Variants in MCC observed in about 807,000 individuals in gnomAD.
MCC encodes the protein MCC regulator of Wnt signaling pathway, also known as colorectal mutant cancer protein.
In MCC, 90 loss-of-function variants were observed where a neutral mutation model predicts 116.2. The observed-to-expected ratio is 0.77, with a 90% CI of 0.65 to 0.92. MCC has a LOEUF of 0.92. Ranked by LOEUF, MCC falls within the 40% of genes least tolerant of loss-of-function variation. The pLI, the probability that MCC is intolerant of heterozygous loss-of-function variation, is 0.00. For missense variants in MCC, 1,516 were observed against 1,312.2 expected (o/e 1.16, Z -2.40); for synonymous variants, 578 against 510.5 (o/e 1.13, Z -1.78).
chr5:113,272,556 A>G (rs1366542462), intron 3 of MCC, among the ~76,000 whole-genome samples: 1 of 152,204 alleles, frequency 6.6e-6, no homozygotes, highest in East Asian at 1.9e-4. Context: ...ATGATAAAAT[A>G]TCATTATTTC....
At chr5:113,123,141 G>A (rs1270794279) in intron 5 of MCC, among the ~76,000 whole-genome samples, 1 of 152,210 alleles carries the variant, frequency 6.6e-6, no homozygotes, top group Non-Finnish European at 1.5e-5. Context: ...ATTCCGAGGA[G>A]AATAAGAACT....
intron 11 of MCC, among the ~76,000 whole-genome samples, chr5:113,077,196 A>G (rs1156385521): frequency 6.6e-6 from 1 of 152,200 alleles, no homozygotes; most frequent in African/African-American, 2.4e-5. Flanking sequence ...AGACTCCCAC[A>G]CAATAATAAT....
chr5:113,143,157 C>T, intron 5 of MCC, 61 bp downstream of exon 5: 1 of 1,507,902 alleles, frequency 6.6e-7, no homozygotes, highest in Non-Finnish European at 8.8e-7. Flanking sequence ...GGGGCTACTT[C>T]AGCTCCAAGA....
chr5:113,107,801 C>T (rs1756836612), intron 6 of MCC, among the ~76,000 whole-genome samples: 1 of 152,200 alleles, frequency 6.6e-6, no homozygotes, highest in Non-Finnish European at 1.5e-5. Flanking sequence ...TGCTGAGGGG[C>T]TCTCACAGCA....
intron 3 of MCC, among the ~76,000 whole-genome samples, chr5:113,306,358 A>G (rs1264437946): frequency 6.6e-6 from 1 of 152,198 alleles, no homozygotes; most frequent in Non-Finnish European, 1.5e-5. Flanking sequence ...AGATGGCTGC[A>G]CCATTTCACA....
At chr5:113,351,899 T>C (rs1768277637) in intron 2 of MCC, among the ~76,000 whole-genome samples, 1 of 152,180 alleles carries the variant, frequency 6.6e-6, no homozygotes, top group Non-Finnish European at 1.5e-5. Context: ...ATTTGAAATT[T>C]ATTATGCCAT....
intron 1 of MCC, among the ~76,000 whole-genome samples, chr5:113,420,800 TTC>T (rs1263853462): frequency 6.6e-6 from 1 of 152,162 alleles, no homozygotes; most frequent in Non-Finnish European, 1.5e-5. Context: ...CACAACTATT[TTC>T]TGTTTTTCCT....
At chr5:113,077,958 A>G (rs1259839569) in intron 11 of MCC, among the ~76,000 whole-genome samples, 1 of 152,224 alleles carries the variant, frequency 6.6e-6, no homozygotes, top group Non-Finnish European at 1.5e-5. Flanking sequence ...CGCAATAAAA[A>G]ATAATAAAGG....
intron 3 of MCC, among the ~76,000 whole-genome samples, chr5:113,165,882 A>G (rs1257947541): frequency 6.6e-6 from 1 of 150,798 alleles, no homozygotes; most frequent in East Asian, 2.0e-4. Context: ...TTCTTTCATC[A>G]TATATTTTTG....
At chr5:113,295,027 G>C (rs908955437) in intron 3 of MCC, 6 of 870,348 alleles carry the variant, frequency 6.9e-6, no homozygotes, top group African/African-American at 1.8e-5. Flanking sequence ...GGGTGGGGGC[G>C]AGTAGCCTGG....
Position 113,029,070 on chromosome 5 carries a change from G to C in MCC, c.2757-14C>G, listed in dbSNP as rs977719168. Reference sequence around the variant, plus strand: ...AACTTCTTTTCTCTATATTAAAGGAGACAAAATATGCCAGGAGTAGTTTGA... The same window carrying C: ...AACTTCTTTTCTCTATATTAAAGGACACAAAATATGCCAGGAGTAGTTTGA... On this transcript the variant is annotated splice_polypyrimidine_tract_variant and intron_variant, in intron 17 of 18. Coordinates refer to ENST00000408903, the MANE Select transcript of MCC (RefSeq NM_001085377.2). The C allele has an allele frequency of 1.2e-6, 2 of 1,601,152 alleles. No homozygotes were observed. The highest frequency in any genetic ancestry group is 2.2e-5 in the East Asian group (1 of 44,524).
intron 2 of MCC, among the ~76,000 whole-genome samples, chr5:113,350,965 CA>C (rs1768252947): frequency 6.6e-6 from 1 of 152,050 alleles, no homozygotes; most frequent in African/African-American, 2.4e-5. Context: ...CAGAGCAATG[CA>C]AATCAAAACT....
chr5:113,158,710 C>G (rs188474084), intron 3 of MCC, among the ~76,000 whole-genome samples: 2 of 152,310 alleles, frequency 1.3e-5, no homozygotes, highest in Non-Finnish European at 2.9e-5. Context: ...GGTAGAAAAT[C>G]AGCCGAAGTG....
chr5:113,027,473 C>T lies in MCC; in HGVS notation c.2889G>A (p.Val963=). ...NDLKRANSNL[V]AAYEKAKKKH... is the part of the protein sequence containing the mutation. ...TTTTCTTTGCTTTCTCATAGGCAGC[C>T]ACCAGGTTGCTAGGTGGGAATGAAG... The change falls in exon 19 of 19, where the codon GTG becomes GTA. Residue 963 remains valine (V), a synonymous_variant. Coordinates refer to ENST00000408903, the MANE Select transcript of MCC (RefSeq NM_001085377.2). The T allele has an allele frequency of 1.2e-6, 2 of 1,614,090 alleles. No homozygotes were observed. The highest frequency in any genetic ancestry group is 3.3e-5 in the Admixed American group (2 of 60,008).
intron 15 of MCC, among the ~76,000 whole-genome samples, chr5:113,050,471 T>C (rs1752416358): frequency 2.0e-5 from 3 of 152,148 alleles, no homozygotes; most frequent in Admixed American, 1.3e-4. Context: ...GTAGATGTTT[T>C]CACTCTCAAA....
chr5:113,222,459 AT>A (rs1272511157), intron 3 of MCC, among the ~76,000 whole-genome samples: 1 of 152,066 alleles, frequency 6.6e-6, no homozygotes, highest in Non-Finnish European at 1.5e-5. Context: ...CTCTACTTCA[AT>A]TTTTTTGGAA....
intron 3 of MCC, among the ~76,000 whole-genome samples, chr5:113,292,394 T>C (rs188608377): frequency 3.3e-5 from 5 of 152,056 alleles, no homozygotes; most frequent in African/African-American, 1.2e-4. Context: ...CAGACACCGA[T>C]GAGAAGAAAA....
At chr5:113,137,429 T>C (rs1319060917) in intron 5 of MCC, among the ~76,000 whole-genome samples, 3 of 152,212 alleles carry the variant, frequency 2.0e-5, no homozygotes, top group Admixed American at 2.0e-4. Flanking sequence ...TATCAAATGC[T>C]TTTCTGTCAT....
intron 12 of MCC, among the ~76,000 whole-genome samples, chr5:113,070,060 G>A (rs1173699110): frequency 2.6e-5 from 4 of 152,176 alleles, no homozygotes; most frequent in South Asian, 2.1e-4. Context: ...CTGCTCAAAG[G>A]CAGATTGTGG....
Sources: allele counts gnomAD v4.1 joint callset (sites outside exome capture counted in the v4.1 genomes callset), GRCh38; gene constraint gnomAD v4.1.1; transcripts MANE v1.5; gene names NCBI Gene and HGNC (gene_info 2026-07-23, HGNC 2026-07-21).